Variants in ARID4A observed in about 807,000 individuals in gnomAD.
ARID4A encodes AT-rich interaction domain 4A.
A neutral mutation model predicts 148.6 loss-of-function variants in ARID4A; 39 were observed. The ratio of observed to expected loss-of-function variants is 0.26; its 90% CI spans 0.20 to 0.34. ARID4A has a LOEUF of 0.34. Among genes scored for constraint, ARID4A ranks in the 10% least tolerant of loss-of-function variants. The probability of loss-of-function intolerance (pLI) is 1.00; values close to 1 mark genes in which losing one functional copy is unlikely to be tolerated. For synonymous variants in ARID4A, 475 were observed against 481.2 expected (o/e 0.99, Z 0.17); for missense variants, 1,265 against 1,449.1 (o/e 0.87, Z 2.06).
At chr14:58,304,288 CAATTCA>C (rs2140134001) in intron 3 of ARID4A, among the ~76,000 whole-genome samples, 1 of 152,284 alleles carries the variant, frequency 6.6e-6, no homozygotes, top group South Asian at 2.1e-4. Context: ...GATTCTTTAA[CAATTCA>C]AATTTGGTAT....
intron 13 of ARID4A, 47 bp from the exon 14 acceptor site, chr14:58,346,973 A>G (rs1158026713): frequency 1.2e-5 from 4 of 341,870 alleles, no homozygotes; most frequent in Non-Finnish European, 2.1e-5. Context: ...AAAAAAAAAA[A>G]GATTAATTCC....
rs1486099867 is a variant in ARID4A, at chr14:58,323,413, A to G, written c.450-72A>G. 4 of 1,525,934 alleles carry G rather than the reference A, an allele frequency of 2.6e-6. No individual in the cohort carries two copies. In the Admixed American group the frequency reaches 5.4e-5, roughly 21 times the overall value. The allele number at this position is 1,525,934 out of a possible 1,614,324, so 94.5% of individuals were successfully genotyped here. On this transcript the variant is annotated intron_variant, in intron 7 of 23. Transcript: ENST00000355431. The stretch of plus-strand genomic sequence containing the variant: ...GTCCATTAGAAATTGAATTGACTAT[A>G]TTAAATTCACAATACTCTGTATCAA...
At chr14:58,301,185 C>G (rs922325844) in intron 2 of ARID4A, among the ~76,000 whole-genome samples, 31 of 152,034 alleles carry the variant, frequency 2.0e-4, no homozygotes, top group Admixed American at 6.6e-4. Flanking sequence ...ATATTAGTAG[C>G]AATATTTCTT....
chr14:58,344,778 G>C lies in ARID4A; in HGVS notation c.979+11G>C. On this transcript the variant is annotated intron_variant, in intron 12 of 23. Transcript: ENST00000355431. ...TTATGGAAGACAGAGGTATTTTCAT[G>C]CTCATTATTTTAAAGTAGTCATTTC... The C allele has an allele frequency of 6.3e-7, 1 of 1,598,146 alleles. No homozygotes were observed. Among genetic ancestry groups the C allele is most frequent in the Middle Eastern group, 1.7e-4 (1 of 6,008 alleles).
chr14:58,306,850 G>T (rs939971283), intron 5 of ARID4A, among the ~76,000 whole-genome samples: 4 of 152,222 alleles, frequency 2.6e-5, no homozygotes, highest in Non-Finnish European at 4.4e-5. Flanking sequence ...CTGCACTCCA[G>T]CCTGGGCGAC....
chr14:58,366,833 T>C (rs773942069), intron 22 of ARID4A, 50 bp from the exon 23 acceptor site: 29 of 1,363,772 alleles, frequency 2.1e-5, no homozygotes, highest in Non-Finnish European at 2.8e-5. Context: ...TCATCATTTT[T>C]CTCACAGAAT....
chr14:58,339,466 C>T (rs1186178086), intron 11 of ARID4A, among the ~76,000 whole-genome samples: 1 of 152,096 alleles, frequency 6.6e-6, no homozygotes, highest in Non-Finnish European at 1.5e-5. Context: ...TCCCAAGCCA[C>T]CAATTAGAAC....
At position 58,334,678 on chromosome 14, in the gene ARID4A, A is replaced by T. The variant is rs1386192590; in HGVS notation, c.906+4509A>T. Among the ~76,000 whole-genome samples the T allele has an allele frequency of 2.6e-5, 4 of 152,274 alleles. No homozygotes were observed. The East Asian group carries it at 7.7e-4, about 29-fold the overall frequency. On this transcript the variant is annotated intron_variant, in intron 11 of 23. Coordinates refer to ENST00000355431, the MANE Select transcript of ARID4A (RefSeq NM_002892.4). Reference sequence around the variant, plus strand: ...CCTGTTTGCCTGCTCTCTTTCGCTCAAGGCACAATTGATAGTGTTTTGTCC... The same window carrying T: ...CCTGTTTGCCTGCTCTCTTTCGCTCTAGGCACAATTGATAGTGTTTTGTCC...
At chr14:58,341,737 A>G (rs912944101) in intron 11 of ARID4A, among the ~76,000 whole-genome samples, 2 of 152,120 alleles carry the variant, frequency 1.3e-5, no homozygotes, top group South Asian at 2.1e-4. Context: ...TAGATATCCA[A>G]CTACTTATAA....
chr14:58,309,803 C>G (rs1012623549), intron 5 of ARID4A, among the ~76,000 whole-genome samples: 1 of 152,136 alleles, frequency 6.6e-6, no homozygotes, highest in South Asian at 2.1e-4. Flanking sequence ...GCTTAAGATT[C>G]AGATTATTTT....
chr14:58,335,922 C>T (rs1437106226), intron 11 of ARID4A, among the ~76,000 whole-genome samples: 1 of 152,148 alleles, frequency 6.6e-6, no homozygotes, highest in African/African-American at 2.4e-5. Flanking sequence ...CTTTACCTAG[C>T]CTAATGCAAT....
At chr14:58,299,063 G>A (rs988550697) in intron 1 of ARID4A, among the ~76,000 whole-genome samples, 28 of 152,180 alleles carry the variant, frequency 1.8e-4, no homozygotes, top group African/African-American at 6.5e-4. Flanking sequence ...GGACTCGAGG[G>A]GCTACGAGCT....
chr14:58,355,304 G>A (rs2034822106), intron 17 of ARID4A, among the ~76,000 whole-genome samples: 1 of 152,162 alleles, frequency 6.6e-6, no homozygotes, highest in Non-Finnish European at 1.5e-5. Context: ...TAATGCAGTA[G>A]TTCCCTCTCA....
chr14:58,363,300 T>C (rs1404064121), intron 19 of ARID4A, among the ~76,000 whole-genome samples: 2 of 152,260 alleles, frequency 1.3e-5, no homozygotes, highest in Non-Finnish European at 2.9e-5. Flanking sequence ...CTTAGAACCC[T>C]ACTTTACTAT....
chr14:58,306,219 C>G, intron 5 of ARID4A, 107 bp downstream of exon 5: 1 of 830,048 alleles, frequency 1.2e-6, no homozygotes, highest in Non-Finnish European at 2.0e-6. Context: ...ATATTATTTC[C>G]TGTCAGTTTA....
In ARID4A at chr14:58,372,049, GAATTAC is replaced by G. The variant is rs2035638638; in HGVS notation, c.*63_*68del. ...CCATGGACATAAATCCCCAAACCCT[GAATTAC>G]AACCACAGAAAGCACTCAACTGGTT... On this transcript the variant is annotated 3_prime_UTR_variant, in exon 24 of 24. Coordinates refer to ENST00000355431, the MANE Select transcript of ARID4A (RefSeq NM_002892.4). The G allele has an allele frequency of 8.4e-7, 1 of 1,192,908 alleles. No individual in the cohort carries two copies. The highest frequency in any genetic ancestry group is 1.9e-5 in the Admixed American group (1 of 53,898). The allele number at this position is 1,192,908 out of a possible 1,614,324, so 73.9% of individuals were successfully genotyped here.
rs1375348639 is a variant in ARID4A, at chr14:58,298,604, A to C, written c.-154A>C. The C allele has an allele frequency of 6.5e-6, 1 of 152,924 alleles. No individual in the cohort carries two copies. Among genetic ancestry groups the C allele is most frequent in the Non-Finnish European group, 1.5e-5 (1 of 68,296 alleles). 9.5% of individuals were successfully genotyped at this position (152,924 alleles called of 1,614,324 possible). On this transcript the variant is annotated 5_prime_UTR_variant, in exon 1 of 24. Coordinates refer to ENST00000355431, the MANE Select transcript of ARID4A (RefSeq NM_002892.4). ...GTGGGGAACCCGGCGCAGGAACTGC[A>C]GCCGCGGCTGGGAGTGGTGCTGCCC...
intron 5 of ARID4A, among the ~76,000 whole-genome samples, chr14:58,312,067 C>T (rs1295178390): frequency 6.6e-6 from 1 of 151,910 alleles, no homozygotes; most frequent in Non-Finnish European, 1.5e-5. Flanking sequence ...TTGAAAATTG[C>T]TAAGAGAGTA....
At chr14:58,326,321 C>T (rs1343951926) in intron 8 of ARID4A, among the ~76,000 whole-genome samples, 1 of 152,140 alleles carries the variant, frequency 6.6e-6, no homozygotes, top group East Asian at 1.9e-4. Context: ...CCTGTAGTCC[C>T]AGCTACTTGG....
Sources: allele counts gnomAD v4.1 joint callset (sites outside exome capture counted in the v4.1 genomes callset), GRCh38; gene constraint gnomAD v4.1.1; transcripts MANE v1.5; gene names NCBI Gene and HGNC (gene_info 2026-07-23, HGNC 2026-07-21).